The following OR5B21 variants were observed in gnomAD, a reference collection of about 807,000 sequenced individuals.
OR5B21 encodes the protein olfactory receptor family 5 subfamily B member 21, also known as olfactory receptor 5B21.
For synonymous variants in OR5B21, 151 were observed against 143.3 expected (o/e 1.05, Z -0.38); for missense variants, 372 against 375.7 (o/e 0.99, Z 0.08).
In OR5B21 at chr11:58,507,696, C is replaced by T. The variant is rs1853068306; in HGVS notation, c.410G>A (p.Gly137Asp). 1.2e-6 allele frequency: 2 copies of T among 1,614,066 alleles called. No homozygotes were observed. Among genetic ancestry groups the T allele is most frequent in the Non-Finnish European group, 8.5e-7 (1 of 1,180,028 alleles). The change falls in exon 1 of 1, where the codon GGT (glycine) becomes GAT (aspartate). Residue 137 changes from glycine to aspartate, a missense_variant. Gly to Asp is a moderately conservative substitution (Grantham distance 94). Coordinates refer to ENST00000360374, the MANE Select transcript of OR5B21 (RefSeq NM_001005218.3). ...ACCAGTAGCAAGGAGGGCACACACACCTGCTGTCATGGTGGTGGTGTAATG... is the reference window on the plus strand; with the variant it reads ...ACCAGTAGCAAGGAGGGCACACACATCTGCTGTCATGGTGGTGGTGTAATG... Reference protein sequence around the residue: ...PLHYTTTMTAGVCALLATGSY... With the variant: ...PLHYTTTMTADVCALLATGSY...
chr11:58,506,903 A>G lies in OR5B21; in HGVS notation c.*273T>C. On this transcript the variant is annotated 3_prime_UTR_variant, in exon 1 of 1. Transcript: ENST00000360374. ...AAACAGGATGAGGAAAATTTGGTAC[A>G]TTCATTTGTATGCTTCAATCTTCTG... 6.6e-6 allele frequency among the ~76,000 whole-genome samples: 1 copy of G among 152,224 alleles called. No homozygotes were observed. Among genetic ancestry groups the G allele is most frequent in the Non-Finnish European group, 1.5e-5 (1 of 68,038 alleles).
At position 58,507,734 on chromosome 11, in the gene OR5B21, T is replaced by TA. The variant is rs1565175858; in HGVS notation, c.371dup (p.Cys125MetfsTer2). Reference sequence around the variant, plus strand: ...TGGTGGTGTAATGAAGAGGCCTACATACCGCTGCATGGCGATCATAGGCCA... The same window carrying TA: ...TGGTGGTGTAATGAAGAGGCCTACATAACCGCTGCATGGCGATCATAGGCCA... On this transcript the variant is annotated frameshift_variant, in exon 1 of 1. Coordinates refer to ENST00000360374, the MANE Select transcript of OR5B21 (RefSeq NM_001005218.3). LOFTEE classifies it low-confidence loss of function (END_TRUNC). 5 of 1,613,996 alleles carry TA rather than the reference T, an allele frequency of 3.1e-6. No homozygotes were observed. The highest frequency in any genetic ancestry group is 3.4e-6 in the Non-Finnish European group (4 of 1,180,040).
Position 58,507,728 on chromosome 11 carries a change from C to T in OR5B21, c.378G>A (p.Arg126=), listed in dbSNP as rs368386776. 1.9e-6 allele frequency: 3 copies of T among 1,614,134 alleles called. No individual in the cohort carries two copies. Among genetic ancestry groups the T allele is most frequent in the Non-Finnish European group, 1.7e-6 (2 of 1,180,022 alleles). The change falls in exon 1 of 1, where the codon AGG becomes AGA. Residue 126 remains arginine (R), a synonymous_variant. Transcript: ENST00000360374. ...TCATGGTGGTGGTGTAATGAAGAGG[C>T]CTACATACCGCTGCATGGCGATCAT... ...MAYDRHAAVC[R]PLHYTTTMTA...
In OR5B21 at chr11:58,506,817, A is replaced by T. The variant is rs1853051500; in HGVS notation, c.*359T>A. ...AAAAGATACTGTGTGTTCAGTTGAT[A>T]AAAATGAAGGTGAAATCTTTACACC... On this transcript the variant is annotated 3_prime_UTR_variant, in exon 1 of 1. Transcript: ENST00000360374. Among the ~76,000 whole-genome samples, 1 of 152,250 alleles carries T rather than the reference A, an allele frequency of 6.6e-6. No homozygotes were observed. Among genetic ancestry groups the T allele is most frequent in the African/African-American group, 2.4e-5 (1 of 41,460 alleles).
Position 58,507,457 on chromosome 11 carries a change from A to C in OR5B21, c.649T>G (p.Phe217Val), listed in dbSNP as rs1057119351. ...TLLVILISYF[F>V]ICITIQRMHS... ...ATCCTCTGAATGGTGATGCATATGA[A>C]GAAGTAAGAAATAAGGATGACCAGG... Residue 217 changes from phenylalanine to valine, a missense_variant, in exon 1 of 1, where the codon TTC becomes GTC. Physicochemically the swap from Phe to Val is conservative, Grantham distance 50. Coordinates refer to ENST00000360374, the MANE Select transcript of OR5B21 (RefSeq NM_001005218.3). 1.2e-6 allele frequency: 2 copies of C among 1,614,002 alleles called. No individual in the cohort carries two copies. The highest frequency in any genetic ancestry group is 1.7e-5 in the Admixed American group (1 of 59,982).
Position 58,507,700 on chromosome 11 carries a change from C to T in OR5B21, c.406G>A (p.Ala136Thr). The change falls in exon 1 of 1, where the codon GCA becomes ACA. Residue 136 changes from alanine to threonine, a missense_variant. Transcript: ENST00000360374. ...GTAGCAAGGAGGGCACACACACCTG[C>T]TGTCATGGTGGTGGTGTAATGAAGA... is the stretch of plus-strand genomic sequence containing the variant. Reference protein sequence around the residue: ...RPLHYTTTMTAGVCALLATGS... With the variant: ...RPLHYTTTMTTGVCALLATGS... 6.2e-7 allele frequency: 1 copy of T among 1,614,176 alleles called. No individual in the cohort carries two copies. Among genetic ancestry groups the T allele is most frequent in the African/African-American group, 1.3e-5 (1 of 75,056 alleles).
chr11:58,507,229 C>A lies in OR5B21; in HGVS notation c.877G>T (p.Glu293Ter), dbSNP rs142077191. The change falls in exon 1 of 1, where the codon GAA becomes TAA. Residue 293 changes from glutamate (E) to a stop codon, truncating the protein, a stop_gained. Coordinates refer to ENST00000360374, the MANE Select transcript of OR5B21 (RefSeq NM_001005218.3). LOFTEE classifies it low-confidence loss of function (END_TRUNC). ...NPLIYSLRNK[E>*]VKSALWKILN... Reference sequence around the variant, plus strand: ...ATTTTCCAGAGAGCACTTTTCACTTCTTTGTTCCTAAGGCTGTATATCAAG... The same window carrying A: ...ATTTTCCAGAGAGCACTTTTCACTTATTTGTTCCTAAGGCTGTATATCAAG... 6.2e-7 allele frequency: 1 copy of A among 1,613,110 alleles called. No homozygotes were observed. Among genetic ancestry groups the A allele is most frequent in the Non-Finnish European group, 8.5e-7 (1 of 1,179,250 alleles).
In OR5B21 at chr11:58,507,555, G is replaced by A. The variant is rs779672066; in HGVS notation, c.551C>T (p.Ala184Val). ...GATGCGTGTGTCAGAGCATGAGAGAGCCAGGAGTGGGGGAATGTCACAGAA... is the reference window on the plus strand; with the variant it reads ...GATGCGTGTGTCAGAGCATGAGAGAACCAGGAGTGGGGGAATGTCACAGAA... ...HFFCDIPPLLALSCSDTRISK... is the reference protein window; with the variant it reads ...HFFCDIPPLLVLSCSDTRISK... Residue 184 changes from alanine (A) to valine (V), a missense_variant, in exon 1 of 1, where the codon GCT becomes GTT. Ala to Val is a moderately conservative substitution (Grantham distance 64). Transcript: ENST00000360374. The A allele has an allele frequency of 3.1e-6, 5 of 1,614,042 alleles. No homozygotes were observed. In the African/African-American group the frequency reaches 4.0e-5, roughly 13 times the overall value.
Position 58,508,078 on chromosome 11 carries a change from ACT to A in OR5B21, c.26_27del (p.Glu9ValfsTer9). ...TCATCTGTTAATCCCAAGAGGATAAACTCTGTCACTTCTGTGCTATTCTCCAT... is the reference window on the plus strand; with the variant it reads ...TCATCTGTTAATCCCAAGAGGATAAACTGTCACTTCTGTGCTATTCTCCAT... MENSTEVT[E>X]FILLGLTDDP... is the part of the protein sequence containing the mutation. On this transcript the variant is annotated frameshift_variant, in exon 1 of 1. Transcript: ENST00000360374. LOFTEE classifies it low-confidence loss of function (END_TRUNC). The A allele has an allele frequency of 6.2e-7, 1 of 1,613,762 alleles. No individual in the cohort carries two copies. The highest frequency in any genetic ancestry group is 8.5e-7 in the Non-Finnish European group (1 of 1,179,856).
chr11:58,507,456 A>T lies in OR5B21; in HGVS notation c.650T>A (p.Phe217Tyr), dbSNP rs1422496073. The change falls in exon 1 of 1, where the codon TTC becomes TAC. Residue 217 changes from phenylalanine to tyrosine, a missense_variant. By Grantham distance (22) the Phe-to-Tyr change is conservative. Transcript: ENST00000360374. ...TLLVILISYF[F>Y]ICITIQRMHS... The stretch of plus-strand genomic sequence containing the variant: ...CATCCTCTGAATGGTGATGCATATG[A>T]AGAAGTAAGAAATAAGGATGACCAG... The T allele has an allele frequency of 1.2e-6, 2 of 1,614,136 alleles. No individual in the cohort carries two copies. The highest frequency in any genetic ancestry group is 2.7e-5 in the African/African-American group (2 of 75,042).
At position 58,507,545 on chromosome 11, in the gene OR5B21, G is replaced by A; in HGVS notation, c.561C>T (p.Cys187=). 6.2e-7 allele frequency: 1 copy of A among 1,614,124 alleles called. No homozygotes were observed. The highest frequency in any genetic ancestry group is 1.3e-5 in the African/African-American group (1 of 75,052). ...CDIPPLLALS[C]SDTRISKLVV... ...CCAACTTGCTGATGCGTGTGTCAGAGCATGAGAGAGCCAGGAGTGGGGGAA... is the reference window on the plus strand; with the variant it reads ...CCAACTTGCTGATGCGTGTGTCAGAACATGAGAGAGCCAGGAGTGGGGGAA... Residue 187 remains cysteine (C), a synonymous_variant, in exon 1 of 1, where the codon TGC becomes TGT. Coordinates refer to ENST00000360374, the MANE Select transcript of OR5B21 (RefSeq NM_001005218.3).
At position 58,507,852 on chromosome 11, in the gene OR5B21, G is replaced by A; in HGVS notation, c.254C>T (p.Ser85Leu). 1 of 1,614,094 alleles carries A rather than the reference G, an allele frequency of 6.2e-7. No individual in the cohort carries two copies. Among genetic ancestry groups the A allele is most frequent in the Non-Finnish European group, 8.5e-7 (1 of 1,180,006 alleles). Residue 85 changes from serine (S) to leucine (L), a missense_variant, in exon 1 of 1, where the codon TCA becomes TTA. Transcript: ENST00000360374. Reference protein sequence around the residue: ...VAPKTVAALRSGDKAISYDGC... With the variant: ...VAPKTVAALRLGDKAISYDGC... The stretch of plus-strand genomic sequence containing the variant: ...ATCGTAGGAGATGGCCTTGTCCCCT[G>A]ACCGCAATGCAGCCACCGTTTTGGG...
At position 58,507,607 on chromosome 11, in the gene OR5B21, A is replaced by C. The variant is rs1224567243; in HGVS notation, c.499T>G (p.Cys167Gly). 6.2e-7 allele frequency: 1 copy of C among 1,613,902 alleles called. No individual in the cohort carries two copies. Among genetic ancestry groups the C allele is most frequent in the East Asian group, 2.2e-5 (1 of 44,890 alleles). ...HAAGTFRLSF[C>G]GSNEINHFFC... ...AAATGATTAATCTCATTAGAACCAC[A>C]GAAGGAGAGTCTGAAGGTGCCTGCT... The change falls in exon 1 of 1, where the codon TGT becomes GGT. Residue 167 changes from cysteine to glycine, a missense_variant. Transcript: ENST00000360374.
rs746993844 is a variant in OR5B21, at chr11:58,507,789, G to A, written c.317C>T (p.Ala106Val). 2.5e-6 allele frequency: 4 copies of A among 1,613,930 alleles called. No homozygotes were observed. Among genetic ancestry groups the A allele is most frequent in the Non-Finnish European group, 3.4e-6 (4 of 1,179,988 alleles). Residue 106 changes from alanine (A) to valine (V), a missense_variant, in exon 1 of 1, where the codon GCC becomes GTC. Transcript: ENST00000360374. ...GGCCAGGAGGTAGCACTCAACAGTG[G>A]CAAACCCCACAAAGAAGAAGAACTG... ...AAQFFFFVGF[A>V]TVECYLLASM...
chr11:58,507,211 A>C lies in OR5B21; in HGVS notation c.895T>G (p.Trp299Gly), dbSNP rs762001681. ...LRNKEVKSALWKILNKLYPQY is the reference protein window; with the variant it reads ...LRNKEVKSALGKILNKLYPQY ...GGGTAAAGTTTGTTGAGTATTTTCC[A>C]GAGAGCACTTTTCACTTCTTTGTTC... The change falls in exon 1 of 1, where the codon TGG becomes GGG. Residue 299 changes from tryptophan to glycine, a missense_variant. Coordinates refer to ENST00000360374, the MANE Select transcript of OR5B21 (RefSeq NM_001005218.3). The C allele has an allele frequency of 6.2e-7, 1 of 1,610,562 alleles. No homozygotes were observed. The highest frequency in any genetic ancestry group is 8.5e-7 in the Non-Finnish European group (1 of 1,177,196).
In OR5B21 at chr11:58,507,000, A is replaced by T. The variant is rs1271132201; in HGVS notation, c.*176T>A. ...CATGTTGTTGTTCACTAAATATAAG[A>T]TTATCTTTCTAAGTAAGACTTTCAA... On this transcript the variant is annotated 3_prime_UTR_variant, in exon 1 of 1. Transcript: ENST00000360374. 6.6e-6 allele frequency among the ~76,000 whole-genome samples: 1 copy of T among 152,194 alleles called. No individual in the cohort carries two copies. The highest frequency in any genetic ancestry group is 6.5e-5 in the Admixed American group (1 of 15,282).
chr11:58,507,593 C>A lies in OR5B21; in HGVS notation c.513G>T (p.Glu171Asp). The change falls in exon 1 of 1, where the codon GAG becomes GAT. Residue 171 changes from glutamate to aspartate, a missense_variant. By Grantham distance (45) the Glu-to-Asp change is conservative. Coordinates refer to ENST00000360374, the MANE Select transcript of OR5B21 (RefSeq NM_001005218.3). Reference sequence around the variant, plus strand: ...GAATGTCACAGAAGAAATGATTAATCTCATTAGAACCACAGAAGGAGAGTC... The same window carrying A: ...GAATGTCACAGAAGAAATGATTAATATCATTAGAACCACAGAAGGAGAGTC... ...TFRLSFCGSN[E>D]INHFFCDIPP... 1 of 1,614,106 alleles carries A rather than the reference C, an allele frequency of 6.2e-7. No homozygotes were observed. Among genetic ancestry groups the A allele is most frequent in the South Asian group, 1.1e-5 (1 of 91,080 alleles).
rs78950779 is a variant in OR5B21 at position 58,507,180 on chromosome 11, T to C, written c.926A>G (p.Tyr309Cys). The change falls in exon 1 of 1, where the codon TAT becomes TGT. Residue 309 changes from tyrosine to cysteine, a missense_variant. Transcript: ENST00000360374. ...TTGCCTACTTCCCATTCACATTTAA[T>C]ATTGGGGGTAAAGTTTGTTGAGTAT... ...WKILNKLYPQ[Y>C] 709 of 1,595,724 alleles carry C rather than the reference T, an allele frequency of 4.4e-4. 4 individuals carry two copies. The African/African-American group carries it at 8.3e-3, about 19-fold the overall frequency.
Position 58,507,873 on chromosome 11 carries a change from T to G in OR5B21, c.233A>C (p.Lys78Thr). The G allele has an allele frequency of 6.2e-7, 1 of 1,614,092 alleles. No homozygotes were observed. Among genetic ancestry groups the G allele is most frequent in the Non-Finnish European group, 8.5e-7 (1 of 1,179,986 alleles). Reference sequence around the variant, plus strand: ...CCCTGACCGCAATGCAGCCACCGTTTTGGGGGCTACAGCTGATGAGTAACC... The same window carrying G: ...CCCTGACCGCAATGCAGCCACCGTTGTGGGGGCTACAGCTGATGAGTAACC... ...DLGYSSAVAP[K>T]TVAALRSGDK... The change falls in exon 1 of 1, where the codon AAA (lysine) becomes ACA (threonine). Residue 78 changes from lysine to threonine, a missense_variant. Coordinates refer to ENST00000360374, the MANE Select transcript of OR5B21 (RefSeq NM_001005218.3).
Sources: allele counts gnomAD v4.1 joint callset (sites outside exome capture counted in the v4.1 genomes callset), GRCh38; gene constraint gnomAD v4.1.1; transcripts MANE v1.5; gene names NCBI Gene and HGNC (gene_info 2026-07-23, HGNC 2026-07-21).